The following SWAP70 variants were observed in gnomAD, a reference collection of about 807,000 sequenced individuals.
SWAP70 encodes switch-associated protein 70.
Under a neutral mutation model 80.2 loss-of-function variants are expected in SWAP70, and 34 were observed. The observed-to-expected ratio is 0.42, with a 90% CI of 0.32 to 0.56. The LOEUF (loss-of-function observed/expected upper bound fraction) is 0.56. SWAP70 is among the 20% of genes least tolerant of loss of function. The pLI is 0.09. For missense variants in SWAP70, 578 were observed against 690.7 expected, an observed-to-expected ratio of 0.84 and a Z score of 1.83; for synonymous variants, 239 against 238.5, an observed-to-expected ratio of 1.00 and a Z score of -0.02.
chr11:9,676,689 G>T (rs1166407042), intron 1 of SWAP70, among the ~76,000 whole-genome samples: 2 of 135,574 alleles, frequency 1.5e-5, no homozygotes, highest in Non-Finnish European at 3.1e-5. Flanking sequence ...TTGCTCTGTT[G>T]CCCAGGCTGG....
chr11:9,691,014 C>T lies in SWAP70; in HGVS notation c.100-3132C>T, dbSNP rs981777158. 4.6e-5 allele frequency among the ~76,000 whole-genome samples: 7 copies of T among 152,210 alleles called. No individual in the cohort carries two copies. In the East Asian group the frequency reaches 1.4e-3, roughly 29 times the overall value. ...GACCTCCCTAGGCTTAGGTGATCCT[C>T]CCACCTCAGCCTCCCATCTCAGCCT... On this transcript the variant is annotated intron_variant, in intron 1 of 11. Coordinates refer to ENST00000318950, the MANE Select transcript of SWAP70 (RefSeq NM_015055.4).
At chr11:9,747,324 A>G (rs748981781) in intron 9 of SWAP70, among the ~76,000 whole-genome samples, 3 of 152,272 alleles carry the variant, frequency 2.0e-5, no homozygotes, top group African/African-American at 2.4e-5. Flanking sequence ...TGTTCAATAA[A>G]TAGTATCTCT....
intron 8 of SWAP70, among the ~76,000 whole-genome samples, chr11:9,739,146 T>A (rs1590047078): frequency 6.6e-6 from 1 of 152,196 alleles, no homozygotes; most frequent in African/African-American, 2.4e-5. Context: ...GCAGCTCCGG[T>A]TCATCCTAGA....
In SWAP70 at chr11:9,749,990, C is replaced by A; in HGVS notation, c.*20C>A. ...GAGTGACTGAGCTTGCTGGCAGTCA[C>A]GTCAGTTATGTAGATACTGCATGGC... On this transcript the variant is annotated 3_prime_UTR_variant, in exon 12 of 12. Coordinates refer to ENST00000318950, the MANE Select transcript of SWAP70 (RefSeq NM_015055.4). The A allele has an allele frequency of 6.5e-7, 1 of 1,530,018 alleles. No individual in the cohort carries two copies. The highest frequency in any genetic ancestry group is 2.2e-5 in the East Asian group (1 of 44,446). The allele number at this position is 1,530,018 out of a possible 1,614,324, so 94.8% of individuals were successfully genotyped here.
At chr11:9,724,193 G>A (rs983218370) in intron 3 of SWAP70, among the ~76,000 whole-genome samples, 6 of 152,230 alleles carry the variant, frequency 3.9e-5, no homozygotes, top group Non-Finnish European at 7.3e-5. Context: ...TAGTGTTCCA[G>A]TGGGAGGAAG....
chr11:9,678,732 C>T (rs2134430569), intron 1 of SWAP70, among the ~76,000 whole-genome samples: 1 of 152,082 alleles, frequency 6.6e-6, no homozygotes, highest in South Asian at 2.1e-4. Flanking sequence ...CTCCCAGGTA[C>T]TCAGCATGCC....
intron 6 of SWAP70, among the ~76,000 whole-genome samples, chr11:9,731,880 T>C (rs1478619303): frequency 1.3e-5 from 2 of 152,192 alleles, no homozygotes; most frequent in African/African-American, 2.4e-5. Flanking sequence ...ATTTGAATAA[T>C]GTGAAAGTGT....
At chr11:9,683,420 A>G (rs572705175) in intron 1 of SWAP70, among the ~76,000 whole-genome samples, 43 of 152,132 alleles carry the variant, frequency 2.8e-4, no homozygotes, top group African/African-American at 9.9e-4. Context: ...TGTCTCAAAA[A>G]AAAAGAAGAA....
At chr11:9,685,896 A>G (rs1850625602) in intron 1 of SWAP70, among the ~76,000 whole-genome samples, 1 of 151,748 alleles carries the variant, frequency 6.6e-6, no homozygotes, top group South Asian at 2.1e-4. Flanking sequence ...CCTCCTCCCA[A>G]AGTGCTGGGA....
At chr11:9,690,499 C>T (rs1250137708) in intron 1 of SWAP70, among the ~76,000 whole-genome samples, 1 of 152,064 alleles carries the variant, frequency 6.6e-6, no homozygotes, top group Non-Finnish European at 1.5e-5. Flanking sequence ...ATTGCTTGAA[C>T]TTAGGAGGCA....
intron 3 of SWAP70, among the ~76,000 whole-genome samples, chr11:9,714,807 A>ATTTT (rs71034737): frequency 3.3e-4 from 42 of 127,702 alleles, no homozygotes; most frequent in African/African-American, 1.2e-3. Context: ...CCAAAAGGGG[A>ATTTT]TTTTTTTTTT....
Position 9,675,331 on chromosome 11 carries a change from G to C in SWAP70, c.99+11053G>C, listed in dbSNP as rs368435654. Among the ~76,000 whole-genome samples, 74 of 39,832 alleles carry C rather than the reference G, an allele frequency of 1.9e-3. 27 individuals carry two copies. The highest frequency in any genetic ancestry group is 3.0e-3 in the Non-Finnish European group (35 of 11,586). The allele number at this position is 39,832 out of a possible 152,430, so 26.1% of individuals were successfully genotyped here. ...AAACAGAGAGGGAGCGAGAGAGAGA[G>C]AGAGAGAGAGGGAGCGAGAGAGAGA... On this transcript the variant is annotated intron_variant, in intron 1 of 11. Coordinates refer to ENST00000318950, the MANE Select transcript of SWAP70 (RefSeq NM_015055.4).
chr11:9,713,443 A>C (rs1456588004), intron 2 of SWAP70, 23 bp from the exon 3 acceptor site: 1 of 1,599,992 alleles, frequency 6.3e-7, no homozygotes, highest in African/African-American at 1.4e-5. Context: ...GATTTGTTGG[A>C]GTTTTTCCTT....
chr11:9,739,672 G>A lies in SWAP70; in HGVS notation c.1189-509G>A, dbSNP rs1334360125. Among the ~76,000 whole-genome samples the A allele has an allele frequency of 2.0e-5, 3 of 152,210 alleles. No individual in the cohort carries two copies. In the East Asian group the frequency reaches 5.8e-4, roughly 29 times the overall value. On this transcript the variant is annotated intron_variant, in intron 8 of 11. Coordinates refer to ENST00000318950, the MANE Select transcript of SWAP70 (RefSeq NM_015055.4). Reference sequence around the variant, plus strand: ...AACTGAAATGCTTGAGTTCCTCTAGGGCTGGAGGTGCCCCAGGGAGTGGAG... The same window carrying A: ...AACTGAAATGCTTGAGTTCCTCTAGAGCTGGAGGTGCCCCAGGGAGTGGAG...
At chr11:9,711,398 T>A (rs1565123475) in intron 2 of SWAP70, among the ~76,000 whole-genome samples, 1 of 152,182 alleles carries the variant, frequency 6.6e-6, no homozygotes, top group Non-Finnish European at 1.5e-5. Flanking sequence ...TTTATGTGTG[T>A]GTGTGTGTGT....
At chr11:9,700,886 C>A (rs546928170) in intron 2 of SWAP70, among the ~76,000 whole-genome samples, 36 of 152,174 alleles carry the variant, frequency 2.4e-4, no homozygotes, top group African/African-American at 8.4e-4. Context: ...ATTCTCTTGT[C>A]TTAATTAGTG....
chr11:9,674,384 C>G (rs1256169275), intron 1 of SWAP70, among the ~76,000 whole-genome samples: 3 of 151,976 alleles, frequency 2.0e-5, no homozygotes, highest in African/African-American at 4.8e-5. Context: ...TAAAATCGAA[C>G]TATAGAACAC....
intron 2 of SWAP70, among the ~76,000 whole-genome samples, chr11:9,708,423 G>A (rs1850951934): frequency 6.6e-6 from 1 of 152,162 alleles, no homozygotes; most frequent in Non-Finnish European, 1.5e-5. Context: ...TCATATGCTT[G>A]TTGGCTGTTC....
In SWAP70 at chr11:9,664,149, G is replaced by A; in HGVS notation, c.-31G>A. On this transcript the variant is annotated 5_prime_UTR_variant, in exon 1 of 12. Coordinates refer to ENST00000318950, the MANE Select transcript of SWAP70 (RefSeq NM_015055.4). ...AGGCGCGGAGGGGCTGGCTGGGCAG[G>A]AGGGGTTGGCGGGGCAGCAGGGCCG... 2 of 1,545,884 alleles carry A rather than the reference G, an allele frequency of 1.3e-6. No homozygotes were observed. The highest frequency in any genetic ancestry group is 2.6e-5 in the East Asian group (1 of 38,432).
Sources: allele counts gnomAD v4.1 joint callset (sites outside exome capture counted in the v4.1 genomes callset), GRCh38; gene constraint gnomAD v4.1.1; transcripts MANE v1.5; gene names NCBI Gene and HGNC (gene_info 2026-07-23, HGNC 2026-07-21).